Variants in GABRG3 observed in about 807,000 individuals in gnomAD.
GABRG3 encodes gamma-aminobutyric acid type A receptor subunit gamma3.
A neutral mutation model predicts 48.8 loss-of-function variants in GABRG3; 25 were observed. The observed-to-expected ratio is 0.51, with a 90% confidence interval of 0.37 to 0.72. GABRG3 has a LOEUF of 0.72. Ranked by LOEUF, GABRG3 falls within the 30% of genes least tolerant of loss-of-function variation. GABRG3 has a pLI of 0.00. For synonymous variants in GABRG3, 227 were observed against 217.6 expected (o/e 1.04, Z -0.38); for missense variants, 394 against 577.9 (o/e 0.68, Z 3.26).
intron 2 of GABRG3, among the ~76,000 whole-genome samples, chr15:27,011,446 A>AT (rs1276733133): frequency 1.3e-5 from 2 of 151,970 alleles, no homozygotes; most frequent in African/African-American, 4.8e-5. Flanking sequence ...TTTATACAGC[A>AT]TTTTATTTGA....
intron 3 of GABRG3, among the ~76,000 whole-genome samples, chr15:27,079,612 AC>A (rs1383401269): frequency 1.3e-5 from 2 of 151,992 alleles, no homozygotes; most frequent in African/African-American, 4.8e-5. Context: ...CGTTTCAAGA[AC>A]CCCTGAAGGA....
chr15:27,321,751 C>A (rs1025619397), intron 3 of GABRG3, among the ~76,000 whole-genome samples: 1 of 152,230 alleles, frequency 6.6e-6, no homozygotes, highest in Non-Finnish European at 1.5e-5. Context: ...CTGCTCTAAT[C>A]TCCTTTTTTT....
chr15:27,340,262 C>T (rs1555373051), intron 5 of GABRG3, among the ~76,000 whole-genome samples: 2 of 152,120 alleles, frequency 1.3e-5, no homozygotes, highest in Non-Finnish European at 2.9e-5. Flanking sequence ...TGCACAGTTT[C>T]TCTGCGGCCT....
At chr15:27,093,030 C>A (rs1897216361) in intron 3 of GABRG3, among the ~76,000 whole-genome samples, 1 of 152,052 alleles carries the variant, frequency 6.6e-6, no homozygotes, top group Admixed American at 6.5e-5. Context: ...GTCACTGAAC[C>A]CTACCCCACG....
chr15:27,254,229 G>T (rs1327599837), intron 3 of GABRG3, among the ~76,000 whole-genome samples: 1 of 152,150 alleles, frequency 6.6e-6, no homozygotes, highest in East Asian at 1.9e-4. Flanking sequence ...AGGTGGGGAT[G>T]CAGGCTGGGG....
intron 3 of GABRG3, among the ~76,000 whole-genome samples, chr15:27,312,606 C>G (rs1385993149): frequency 6.6e-6 from 1 of 152,026 alleles, no homozygotes; most frequent in East Asian, 1.9e-4. Flanking sequence ...CCAGCAGAAA[C>G]CTTACAGGCC....
intron 5 of GABRG3, among the ~76,000 whole-genome samples, chr15:27,339,791 T>C (rs1206258624): frequency 1.3e-5 from 2 of 152,174 alleles, no homozygotes; most frequent in Admixed American, 6.5e-5. Context: ...AAGAACATGA[T>C]CATAGCATTG....
chr15:27,366,806 C>T (rs1895216935), intron 5 of GABRG3, among the ~76,000 whole-genome samples: 1 of 152,186 alleles, frequency 6.6e-6, no homozygotes, highest in African/African-American at 2.4e-5. Context: ...GATAATAGAA[C>T]CTTGTGCCCA....
intron 3 of GABRG3, among the ~76,000 whole-genome samples, chr15:27,105,344 G>T (rs758760738): frequency 6.6e-6 from 1 of 152,056 alleles, no homozygotes; most frequent in South Asian, 2.1e-4. Context: ...CTTGGAAAAG[G>T]TATAGTAGTA....
chr15:26,983,668 G>T (rs1253117313), intron 2 of GABRG3, among the ~76,000 whole-genome samples: 1 of 152,270 alleles, frequency 6.6e-6, no homozygotes, highest in Non-Finnish European at 1.5e-5. Flanking sequence ...CAGCTACTCA[G>T]GAGGCTGAGG....
At chr15:27,044,089 G>A (rs1896323912) in intron 3 of GABRG3, among the ~76,000 whole-genome samples, 1 of 152,226 alleles carries the variant, frequency 6.6e-6, no homozygotes, top group African/African-American at 2.4e-5. Context: ...GGAGAGGGGA[G>A]GGGAGGATGT....
intron 1 of GABRG3, among the ~76,000 whole-genome samples, chr15:26,973,440 A>C (rs1894881277): frequency 6.6e-6 from 1 of 152,200 alleles, no homozygotes; most frequent in African/African-American, 2.4e-5. Flanking sequence ...CTTCTTTGAG[A>C]GTGTCTTTGT....
At chr15:27,058,766 C>A (rs181310780) in intron 3 of GABRG3, among the ~76,000 whole-genome samples, 1 of 152,072 alleles carries the variant, frequency 6.6e-6, no homozygotes, top group Non-Finnish European at 1.5e-5. Flanking sequence ...CCAGTAAGTT[C>A]GCGGGCCTCA....
chr15:27,418,645 G>T (rs186350301), intron 5 of GABRG3, among the ~76,000 whole-genome samples: 2 of 152,192 alleles, frequency 1.3e-5, no homozygotes, highest in African/African-American at 4.8e-5. Flanking sequence ...CATATCCCCC[G>T]TTAGCTTCTA....
At chr15:27,285,966 C>T (rs994623028) in intron 3 of GABRG3, among the ~76,000 whole-genome samples, 2 of 152,120 alleles carry the variant, frequency 1.3e-5, no homozygotes, top group African/African-American at 4.8e-5. Context: ...CTTGGCCCAT[C>T]GTAGGATCTT....
chr15:27,243,903 ATTTG>A (rs1464783601), intron 3 of GABRG3, among the ~76,000 whole-genome samples: 1 of 152,030 alleles, frequency 6.6e-6, no homozygotes, highest in Non-Finnish European at 1.5e-5. Flanking sequence ...CTACTTGTTT[ATTTG>A]TTTTGGCTTT....
chr15:27,081,611 C>T (rs4887555), intron 3 of GABRG3, among the ~76,000 whole-genome samples: 29,385 of 152,060 alleles, frequency 0.19, 2,930 homozygotes, highest in Middle Eastern at 0.25. Flanking sequence ...TCACAGCACG[C>T]AGTATGGATC....
chr15:27,486,610 T>C (rs1036782904), intron 6 of GABRG3, among the ~76,000 whole-genome samples: 1 of 152,144 alleles, frequency 6.6e-6, no homozygotes, highest in Non-Finnish European at 1.5e-5. Flanking sequence ...GACCACACTG[T>C]ACTTGAACAT....
intron 2 of GABRG3, among the ~76,000 whole-genome samples, chr15:26,991,799 C>A (rs1429785952): frequency 1.3e-5 from 2 of 152,082 alleles, no homozygotes; most frequent in African/African-American, 4.8e-5. Flanking sequence ...CGGCTCACTG[C>A]AACCTCCACC....
Sources: allele counts gnomAD v4.1 joint callset (sites outside exome capture counted in the v4.1 genomes callset), GRCh38; gene constraint gnomAD v4.1.1; transcripts MANE v1.5; gene names NCBI Gene and HGNC (gene_info 2026-07-23, HGNC 2026-07-21).